The following ROR1 variants were observed in gnomAD, a reference collection of about 807,000 sequenced individuals.
ROR1 encodes the protein ROR family WNT receptor 1, also known as inactive tyrosine-protein kinase transmembrane receptor ROR1.
In ROR1, 19 loss-of-function variants were observed where a neutral mutation model predicts 78.8. The ratio of observed to expected loss-of-function variants is 0.24; its 90% CI spans 0.17 to 0.35. The LOEUF (loss-of-function observed/expected upper bound fraction) is 0.35, where lower values mean the gene tolerates loss of function less well. Ranked by LOEUF, ROR1 falls within the 10% of genes least tolerant of loss-of-function variation. The pLI is 1.00. For synonymous variants in ROR1, 386 were observed against 433.6 expected, an observed-to-expected ratio of 0.89 and a Z score of 1.36; for missense variants, 917 against 1,177.8, an observed-to-expected ratio of 0.78 and a Z score of 3.24.
chr1:63,889,611 A>G (rs115402873), intron 1 of ROR1, among the ~76,000 whole-genome samples: 1,989 of 152,252 alleles, frequency 0.013, 37 homozygotes, highest in African/African-American at 0.045. Flanking sequence ...ACAGATACCT[A>G]TCTTTATATA....
intron 7 of ROR1, 27 bp from the exon 8 acceptor site, chr1:64,158,952 CTT>C: frequency 6.6e-7 from 1 of 1,521,550 alleles, no homozygotes; most frequent in Non-Finnish European, 9.1e-7. Context: ...AAGAGTATAA[CTT>C]TTGCTCTTTT....
chr1:63,808,901 C>T (rs769183188), intron 1 of ROR1, among the ~76,000 whole-genome samples: 1 of 151,192 alleles, frequency 6.6e-6, no homozygotes, highest in African/African-American at 2.4e-5. Context: ...AAGAGATGTA[C>T]TTCTTATCCT....
intron 4 of ROR1, among the ~76,000 whole-genome samples, chr1:64,091,310 A>G: frequency 6.6e-6 from 1 of 152,198 alleles, no homozygotes; most frequent in East Asian, 1.9e-4. Flanking sequence ...CAGCCTTAAA[A>G]CAATAACATG....
chr1:64,150,924 A>C (rs917484054), intron 7 of ROR1, among the ~76,000 whole-genome samples: 9 of 152,170 alleles, frequency 5.9e-5, no homozygotes, highest in African/African-American at 2.2e-4. Flanking sequence ...AGCTTCTGAA[A>C]CCTCTGAACT....
chr1:63,863,793 ATTGT>A (rs1557533470), intron 1 of ROR1, among the ~76,000 whole-genome samples: 3,142 of 141,622 alleles, frequency 0.022, 126 homozygotes, highest in African/African-American at 0.055. Flanking sequence ...ATTGTATTGT[ATTGT>A]ATTGTATCAT....
intron 1 of ROR1, among the ~76,000 whole-genome samples, chr1:63,834,407 A>G (rs1268498889): frequency 6.7e-6 from 1 of 148,542 alleles, no homozygotes; most frequent in Non-Finnish European, 1.5e-5. Context: ...ACTGTTAAAA[A>G]CAGAAGATGT....
chr1:63,837,761 C>T (rs1645027357), intron 1 of ROR1, among the ~76,000 whole-genome samples: 1 of 152,128 alleles, frequency 6.6e-6, no homozygotes, highest in Non-Finnish European at 1.5e-5. Context: ...GTTGAGGCTG[C>T]AGTGAACCGT....
intron 1 of ROR1, among the ~76,000 whole-genome samples, chr1:63,845,346 A>C (rs1645074218): frequency 6.6e-6 from 1 of 152,220 alleles, no homozygotes; most frequent in Non-Finnish European, 1.5e-5. Flanking sequence ...TTTGAAATAA[A>C]AACTGAAATA....
chr1:64,071,813 A>G (rs1014489879), intron 4 of ROR1, among the ~76,000 whole-genome samples: 1 of 152,190 alleles, frequency 6.6e-6, no homozygotes, highest in Non-Finnish European at 1.5e-5. Flanking sequence ...GCCTTCAGCA[A>G]TGATGGAGAA....
At chr1:63,826,589 A>G (rs1644954920) in intron 1 of ROR1, among the ~76,000 whole-genome samples, 1 of 152,044 alleles carries the variant, frequency 6.6e-6, no homozygotes. Context: ...AATGATTTCT[A>G]TTCCTTTGGG....
intron 7 of ROR1, among the ~76,000 whole-genome samples, chr1:64,150,457 G>A (rs1314214403): frequency 3.3e-5 from 5 of 152,206 alleles, no homozygotes; most frequent in African/African-American, 9.6e-5. Context: ...ATTCTGCAAC[G>A]TGGTGGTTTA....
chr1:64,028,513 TCA>T (rs1646633990), intron 2 of ROR1, among the ~76,000 whole-genome samples: 1 of 152,212 alleles, frequency 6.6e-6, no homozygotes, highest in African/African-American at 2.4e-5. Context: ...ATATTTTCTC[TCA>T]CAGTTGCTGC....
intron 1 of ROR1, chr1:63,843,687 G>A: frequency 1.9e-6 from 1 of 530,498 alleles, no homozygotes; most frequent in South Asian, 1.7e-5. Flanking sequence ...CAGAGGCCAT[G>A]TTTCCAGAAG....
At chr1:64,039,376 TC>T (rs1646727961) in intron 2 of ROR1, among the ~76,000 whole-genome samples, 1 of 152,092 alleles carries the variant, frequency 6.6e-6, no homozygotes, top group Non-Finnish European at 1.5e-5. Context: ...ACTTTATGGA[TC>T]CCCAGAGGAA....
intron 1 of ROR1, among the ~76,000 whole-genome samples, chr1:63,959,273 C>T (rs150758172): frequency 9.4e-4 from 143 of 152,026 alleles, no homozygotes; most frequent in Non-Finnish European, 1.5e-3. Flanking sequence ...GATTCAATTA[C>T]GTCCCACTAG....
At chr1:64,000,947 G>A (rs577627158) in intron 1 of ROR1, among the ~76,000 whole-genome samples, 1 of 152,282 alleles carries the variant, frequency 6.6e-6, no homozygotes, top group East Asian at 1.9e-4. Flanking sequence ...ATTTCCCAAT[G>A]TATTTGCTTA....
At chr1:63,891,815 T>C (rs774609223) in intron 1 of ROR1, among the ~76,000 whole-genome samples, 1 of 152,114 alleles carries the variant, frequency 6.6e-6, no homozygotes, top group Non-Finnish European at 1.5e-5. Flanking sequence ...CTTACACCTG[T>C]GCTACCCTAA....
intron 1 of ROR1, among the ~76,000 whole-genome samples, chr1:63,974,912 C>T (rs1309471766): frequency 2.0e-5 from 3 of 152,176 alleles, no homozygotes; most frequent in East Asian, 3.8e-4. Context: ...CTTTAGCTAT[C>T]GATGTGATCT....
At chr1:63,908,728 A>G (rs1040169763) in intron 1 of ROR1, among the ~76,000 whole-genome samples, 2 of 152,148 alleles carry the variant, frequency 1.3e-5, no homozygotes, top group Non-Finnish European at 2.9e-5. Flanking sequence ...AGTTGTTACT[A>G]CCACCTTGTA....
Sources: allele counts gnomAD v4.1 joint callset (sites outside exome capture counted in the v4.1 genomes callset), GRCh38; gene constraint gnomAD v4.1.1; transcripts MANE v1.5; gene names NCBI Gene and HGNC (gene_info 2026-07-23, HGNC 2026-07-21).